FAM3C: variants seen among roughly 807,000 people sequenced by gnomAD.
The protein encoded by FAM3C is protein FAM3C.
FAM3C carries 15 observed loss-of-function variants against 32.5 expected under a neutral mutation model. The observed-to-expected ratio is 0.46, with a 90% CI of 0.31 to 0.71. FAM3C has a LOEUF of 0.71. Ranked by LOEUF, FAM3C falls within the 30% of genes least tolerant of loss-of-function variation. The pLI is 0.05. For missense variants in FAM3C, 175 were observed against 274.4 expected (o/e 0.64, Z 2.56); for synonymous variants, 75 against 86.1 (o/e 0.87, Z 0.72).
intron 1 of FAM3C, among the ~76,000 whole-genome samples, chr7:121,393,049 G>C (rs1794608458): frequency 6.6e-6 from 1 of 152,202 alleles, no homozygotes; most frequent in Non-Finnish European, 1.5e-5. Context: ...GATTGGCAGG[G>C]AGAAGGGAAT....
chr7:121,351,172 C>T lies in FAM3C; in HGVS notation c.565G>A (p.Gly189Ser), dbSNP rs1046044727. 2.5e-6 allele frequency: 4 copies of T among 1,613,612 alleles called. No individual in the cohort carries two copies. Among genetic ancestry groups the T allele is most frequent in the Non-Finnish European group, 3.4e-6 (4 of 1,179,710 alleles). Residue 189 changes from glycine to serine, a missense_variant, in exon 9 of 10, where the codon GGC becomes AGC. Gly to Ser is a moderately conservative substitution (Grantham distance 56, BLOSUM62 0). Transcript: ENST00000359943. ...RDNWVFCGGK[G>S]IKTKSPFEQH... The stretch of plus-strand genomic sequence containing the variant: ...TCAAAAGGGCTTTTTGTCTTAATGC[C>T]CTTCCCACCACAGAAGACCCAGTTG...
intron 3 of FAM3C, among the ~76,000 whole-genome samples, chr7:121,373,866 C>CAA (rs937424478): frequency 2.8e-4 from 39 of 139,676 alleles, no homozygotes; most frequent in African/African-American, 9.9e-4. Context: ...ACTACAAATA[C>CAA]AAAAAAAAAA....
chr7:121,381,086 T>C (rs1794341822), intron 2 of FAM3C, among the ~76,000 whole-genome samples: 1 of 152,188 alleles, frequency 6.6e-6, no homozygotes, highest in Admixed American at 6.5e-5. Context: ...CCCCCAAAGC[T>C]GGCCTGACTC....
chr7:121,388,758 T>C (rs896374458), intron 1 of FAM3C, among the ~76,000 whole-genome samples: 11 of 152,212 alleles, frequency 7.2e-5, no homozygotes, highest in Non-Finnish European at 1.3e-4. Flanking sequence ...AACATCTAAA[T>C]GTGGCTAAGA....
intron 2 of FAM3C, among the ~76,000 whole-genome samples, chr7:121,381,491 A>G (rs544674854): frequency 6.6e-6 from 1 of 152,302 alleles, no homozygotes; most frequent in African/African-American, 2.4e-5. Flanking sequence ...AGAACCAGAG[A>G]AATGGACTAA....
chr7:121,358,730 C>T (rs2707507), intron 8 of FAM3C, among the ~76,000 whole-genome samples: 38,754 of 151,594 alleles, frequency 0.26, 5,945 homozygotes, highest in African/African-American at 0.44. Context: ...AAATATCTAA[C>T]CTGGAGGTGG....
At chr7:121,354,851 T>C (rs959971047) in intron 8 of FAM3C, among the ~76,000 whole-genome samples, 4 of 152,220 alleles carry the variant, frequency 2.6e-5, no homozygotes, top group African/African-American at 7.2e-5. Flanking sequence ...ATTTTCACTA[T>C]ATAATTGCTA....
chr7:121,378,065 T>C (rs1794274900), intron 3 of FAM3C, among the ~76,000 whole-genome samples: 1 of 152,246 alleles, frequency 6.6e-6, no homozygotes, highest in Non-Finnish European at 1.5e-5. Flanking sequence ...GGTATATTTA[T>C]AGAAAAGAAA....
At chr7:121,379,871 A>G (rs1035818621) in intron 2 of FAM3C, among the ~76,000 whole-genome samples, 5 of 152,192 alleles carry the variant, frequency 3.3e-5, no homozygotes, top group Admixed American at 2.0e-4. Context: ...CGAAAGAAAC[A>G]CTATTAATGT....
chr7:121,388,664 A>C (rs528212000), intron 1 of FAM3C, among the ~76,000 whole-genome samples: 6 of 152,132 alleles, frequency 3.9e-5, no homozygotes, highest in Non-Finnish European at 7.4e-5. Flanking sequence ...CTATGCCTAG[A>C]TTTTTGACAG....
Position 121,385,330 on chromosome 7 carries a change from T to C in FAM3C, c.-41-2320A>G, listed in dbSNP as rs191468658. ...CAAAAAGTGTTACATAGGCCAAAAT[T>C]TGTTTTAGTGTTTTTGATAAATATA... On this transcript the variant is annotated intron_variant, in intron 1 of 9. Transcript: ENST00000359943. Among the ~76,000 whole-genome samples, 5 of 152,276 alleles carry C rather than the reference T, an allele frequency of 3.3e-5. No homozygotes were observed. The South Asian group carries it at 6.2e-4, about 19-fold the overall frequency.
At chr7:121,360,219 C>T in intron 7 of FAM3C, 92 bp from the exon 8 acceptor site, 2 of 697,562 alleles carry the variant, frequency 2.9e-6, no homozygotes, top group Non-Finnish European at 2.6e-6. Context: ...CATGAAGTAT[C>T]TGTAAAGCAA....
intron 2 of FAM3C, among the ~76,000 whole-genome samples, chr7:121,382,549 GTTT>G (rs3068115): frequency 6.4e-4 from 84 of 130,780 alleles, no homozygotes; most frequent in South Asian, 1.5e-3. Context: ...CAGTCTTTAG[GTTT>G]TTTTTTTTTT....
At chr7:121,382,260 C>T (rs1308858045) in intron 2 of FAM3C, among the ~76,000 whole-genome samples, 1 of 152,076 alleles carries the variant, frequency 6.6e-6, no homozygotes, top group African/African-American at 2.4e-5. Flanking sequence ...ATATTATGAA[C>T]ATCTAATGGT....
chr7:121,367,241 T>C (rs1456359936), intron 5 of FAM3C, among the ~76,000 whole-genome samples: 1 of 152,206 alleles, frequency 6.6e-6, no homozygotes, highest in African/African-American at 2.4e-5. Flanking sequence ...TCTGTAGAAA[T>C]ACTCAATATA....
Position 121,349,020 on chromosome 7 carries a change from A to G in FAM3C, c.*1441T>C, listed in dbSNP as rs1334797737. On this transcript the variant is annotated 3_prime_UTR_variant, in exon 10 of 10. Coordinates refer to ENST00000359943, the MANE Select transcript of FAM3C (RefSeq NM_014888.3). ...GAATGTGATTTAGCATATAAGCACC[A>G]AAAATCCCAAAAGTATACAAAGATT... 3.3e-5 allele frequency: 5 copies of G among 152,270 alleles called. No homozygotes were observed. The highest frequency in any genetic ancestry group is 3.3e-4 in the Admixed American group (5 of 15,242). The allele number at this position is 152,270 out of a possible 1,614,324, so 9.4% of individuals were successfully genotyped here.
At chr7:121,359,118 T>C (rs1331042376) in intron 8 of FAM3C, among the ~76,000 whole-genome samples, 1 of 147,522 alleles carries the variant, frequency 6.8e-6, no homozygotes. Flanking sequence ...GAGAAAAATA[T>C]AAAATTGGTA....
rs1424948586 is a variant in FAM3C at position 121,349,208 on chromosome 7, G to C, written c.*1253C>G. The stretch of plus-strand genomic sequence containing the variant: ...CTGCTTTTAGGTTTTTTTATACAAT[G>C]CATCTAAACTTTAGGTTCGAAATTT... On this transcript the variant is annotated 3_prime_UTR_variant, in exon 10 of 10. Transcript: ENST00000359943. 6.6e-6 allele frequency: 1 copy of C among 152,460 alleles called. No homozygotes were observed. Among genetic ancestry groups the C allele is most frequent in the African/African-American group, 2.4e-5 (1 of 41,406 alleles). 9.4% of individuals were successfully genotyped at this position (152,460 alleles called of 1,614,324 possible).
intron 7 of FAM3C, among the ~76,000 whole-genome samples, chr7:121,360,659 C>A (rs1443168929): frequency 6.6e-6 from 1 of 151,968 alleles, no homozygotes; most frequent in Non-Finnish European, 1.5e-5. Context: ...ATAGTGAGAC[C>A]TCATCTCAAC....
Sources: allele counts gnomAD v4.1 joint callset (sites outside exome capture counted in the v4.1 genomes callset), GRCh38; gene constraint gnomAD v4.1.1; transcripts MANE v1.5; gene names NCBI Gene and HGNC (gene_info 2026-07-23, HGNC 2026-07-21).